MUTYH: variants seen among roughly 807,000 people sequenced by gnomAD.
MUTYH encodes the protein mutY DNA glycosylase.
Under a neutral mutation model 72.9 loss-of-function variants are expected in MUTYH, and 64 were observed. The ratio of observed to expected loss-of-function variants is 0.88; its 90% CI spans 0.72 to 1.08. MUTYH has a LOEUF of 1.08. MUTYH is among the 50% of genes least tolerant of loss of function. MUTYH has a pLI of 0.00. For missense variants in MUTYH, 633 were observed against 671.0 expected (o/e 0.94, Z 0.63); for synonymous variants, 234 against 263.1 (o/e 0.89, Z 1.07).
chr1:45,329,597 A>G (rs778527315), intron 15 of MUTYH, among the ~76,000 whole-genome samples, 160 bp from the exon 16 acceptor site: 12 of 152,104 alleles, frequency 7.9e-5, no homozygotes, highest in Non-Finnish European at 1.0e-4. Flanking sequence ...TGCCCCATCA[A>G]TCAACCCTCC....
chr1:45,334,745 C>G (rs965257191), intron 1 of MUTYH, among the ~76,000 whole-genome samples: 1 of 152,192 alleles, frequency 6.6e-6, no homozygotes, highest in Admixed American at 6.5e-5. Flanking sequence ...TGGAGACATG[C>G]AAAGACTGTG....
At chr1:45,337,958 A>G (rs1471352022) in intron 1 of MUTYH, among the ~76,000 whole-genome samples, 5 of 152,082 alleles carry the variant, frequency 3.3e-5, no homozygotes, top group South Asian at 4.1e-4. Context: ...CCAAGAGGGG[A>G]AAAAAAAGAG....
At chr1:45,331,621 T>C (rs995358566) in intron 12 of MUTYH, 40 bp downstream of exon 12, 1 of 1,613,356 alleles carries the variant, frequency 6.2e-7, no homozygotes. Flanking sequence ...TTCTCTCTTG[T>C]TACTCATGCC....
intron 2 of MUTYH, 89 bp downstream of exon 2, chr1:45,334,302 T>A: frequency 6.3e-7 from 1 of 1,592,690 alleles, no homozygotes. Context: ...AGTAAGTCTC[T>A]TAATGTCTTG....
rs773072703 is a variant in MUTYH at position 45,329,387 on chromosome 1, G to T, written c.1485C>A (p.Arg495=). 1.2e-6 allele frequency: 2 copies of T among 1,614,190 alleles called. No homozygotes were observed. The highest frequency in any genetic ancestry group is 2.2e-5 in the South Asian group (2 of 91,086). The change falls in exon 16 of 16, where the codon CGC becomes CGA. Residue 495 remains arginine, a synonymous_variant. Transcript: ENST00000456914. The part of the protein sequence containing the change: ...VSSPCSRKKP[R]MGQQVLDNFF... ...AATTATCCAGGACTTGCTGGCCCAT[G>T]CGGGGCTTTTTCCGACTGCACGGAG...
chr1:45,340,196 G>A (rs1376658490), upstream of MUTYH: 7 of 1,613,514 alleles, frequency 4.3e-6, no homozygotes, highest in South Asian at 5.5e-5. Flanking sequence ...CGCGCCAGGA[G>A]ACGGACCGCA....
chr1:45,330,437 A>C, intron 15 of MUTYH, 79 bp downstream of exon 15: 3 of 1,440,284 alleles, frequency 2.1e-6, no homozygotes, highest in Non-Finnish European at 2.9e-6. Context: ...GTTCACCCAG[A>C]CATTCGTTAG....
At chr1:45,334,777 A>C (rs1645633049) in intron 1 of MUTYH, among the ~76,000 whole-genome samples, 1 of 152,190 alleles carries the variant, frequency 6.6e-6, no homozygotes, top group Non-Finnish European at 1.5e-5. Flanking sequence ...GGGATGGGTC[A>C]AGGATGAAAG....
chr1:45,334,304 A>T, intron 2 of MUTYH, 87 bp downstream of exon 2: 1 of 1,592,398 alleles, frequency 6.3e-7, no homozygotes, highest in Non-Finnish European at 8.6e-7. Flanking sequence ...TAAGTCTCTT[A>T]ATGTCTTGAT....
At chr1:45,337,300 G>A (rs1436717746) in intron 1 of MUTYH, among the ~76,000 whole-genome samples, 1 of 148,652 alleles carries the variant, frequency 6.7e-6, no homozygotes, top group Non-Finnish European at 1.5e-5. Context: ...GACCACAGGC[G>A]CACACCACCA....
chr1:45,339,937 C>T lies in MUTYH; in HGVS notation c.-45G>A, dbSNP rs748796325. On this transcript the variant is annotated 5_prime_UTR_variant, in exon 1 of 16. Transcript: ENST00000456914. ...TGATGAAGACAGCAGAACACGGAGG[C>T]CCCGCGTTCCCGCCGCGAGAGCAGG... 1.4e-5 allele frequency: 20 copies of T among 1,469,204 alleles called. No homozygotes were observed. Among genetic ancestry groups the T allele is most frequent in the Non-Finnish European group, 1.8e-5 (20 of 1,094,822 alleles). 91.0% of individuals were successfully genotyped at this position (1,469,204 alleles called of 1,614,324 possible).
At chr1:45,338,381 T>C in intron 1 of MUTYH, 1 of 457,756 alleles carries the variant, frequency 2.2e-6, no homozygotes, top group Admixed American at 2.9e-5. Flanking sequence ...ACACAATCCA[T>C]TTCCTCTGTT....
At chr1:45,340,365 C>T, upstream of MUTYH, 2 of 1,568,100 alleles carry the variant, frequency 1.3e-6, no homozygotes, top group Non-Finnish European at 1.7e-6. Context: ...GGGAAGGCCT[C>T]GGGCTCATAG....
chr1:45,333,691 G>T, intron 2 of MUTYH, 130 bp from the exon 3 acceptor site: 1 of 1,352,246 alleles, frequency 7.4e-7, no homozygotes, highest in Non-Finnish European at 9.9e-7. Flanking sequence ...AAGCTTTGGA[G>T]CTGGAGTCAG....
chr1:45,331,245 TGGTGGTAC>T lies in MUTYH; in HGVS notation c.1321_1328del (p.Val441ArgfsTer60), dbSNP rs1644777520. On this transcript the variant is annotated frameshift_variant, in exon 14 of 16. Coordinates refer to ENST00000456914, the MANE Select transcript of MUTYH (RefSeq NM_001048174.2). LOFTEE classifies it high-confidence loss of function. ...CCTCCTGCGTCAGCCAGCGAGCACC[TGGTGGTAC>T]GGTGGTCACTGGGGTCTGCCCTTCC... The T allele has an allele frequency of 6.2e-7, 1 of 1,614,122 alleles. No homozygotes were observed. The highest frequency in any genetic ancestry group is 8.5e-7 in the Non-Finnish European group (1 of 1,180,046).
chr1:45,340,025 T>A (rs1490761049), upstream of MUTYH: 1 of 1,540,028 alleles, frequency 6.5e-7, no homozygotes, highest in Admixed American at 2.0e-5. Context: ...CCAGGGGGCG[T>A]GGCTCGGGTC....
chr1:45,336,504 C>A (rs149699561), intron 1 of MUTYH, among the ~76,000 whole-genome samples: 2 of 152,148 alleles, frequency 1.3e-5, no homozygotes, highest in East Asian at 1.9e-4. Context: ...TTCTGCCCCA[C>A]GCTAACTGAT....
intron 15 of MUTYH, chr1:45,330,148 G>A (rs1299719919): frequency 6.7e-5 from 13 of 193,594 alleles, no homozygotes; most frequent in Non-Finnish European, 8.3e-5. Flanking sequence ...CAGGAGAATC[G>A]CTTTAATCCA....
chr1:45,331,022 T>C (rs1259676232), intron 14 of MUTYH, among the ~76,000 whole-genome samples, 160 bp downstream of exon 14: 2 of 151,940 alleles, frequency 1.3e-5, no homozygotes, highest in Non-Finnish European at 2.9e-5. Flanking sequence ...GAGATGGAGG[T>C]TGCAGTCAAC....
Sources: gnomAD v4.1 joint callset for allele counts (sites outside exome capture counted in the v4.1 genomes callset) on GRCh38, gnomAD v4.1.1 for gene constraint, MANE v1.5 for transcripts, NCBI Gene and HGNC (gene_info 2026-07-23, HGNC 2026-07-21) for gene names.